Variants in MTF2 observed in about 807,000 individuals in gnomAD.
MTF2 encodes the protein metal-response element-binding transcription factor 2.
Under a neutral mutation model 79.5 loss-of-function variants are expected in MTF2, and 11 were observed. The observed-to-expected ratio is 0.14, with a 90% CI of 0.09 to 0.23. The LOEUF (loss-of-function observed/expected upper bound fraction) is 0.23. Ranked by LOEUF, MTF2 falls within the 10% of genes least tolerant of loss-of-function variation. MTF2 has a pLI of 1.00. For synonymous variants in MTF2, 208 were observed against 232.8 expected (o/e 0.89, Z 0.97); for missense variants, 486 against 711.2 (o/e 0.68, Z 3.60).
At chr1:93,115,310 AG>A (rs1656205881) in intron 5 of MTF2, among the ~76,000 whole-genome samples, 159 bp from the exon 6 acceptor site, 1 of 152,242 alleles carries the variant, frequency 6.6e-6, no homozygotes, top group African/African-American at 2.4e-5. Flanking sequence ...ATTTGAAAGA[AG>A]AAAAGAAAAA....
At chr1:93,110,155 C>A in intron 1 of MTF2, 75 bp from the exon 2 acceptor site, 2 of 1,350,684 alleles carry the variant, frequency 1.5e-6, no homozygotes, top group Non-Finnish European at 1.0e-6. Context: ...CTTTGATTAA[C>A]ATATAAAATA....
intron 9 of MTF2, among the ~76,000 whole-genome samples, chr1:93,126,060 T>C (rs929361007): frequency 6.6e-6 from 1 of 152,080 alleles, no homozygotes; most frequent in African/African-American, 2.4e-5. Context: ...TTATTCCTCC[T>C]TTAAAATTGA....
chr1:93,130,321 T>G (rs908641189), intron 11 of MTF2, among the ~76,000 whole-genome samples: 2 of 152,206 alleles, frequency 1.3e-5, no homozygotes, highest in African/African-American at 4.8e-5. Flanking sequence ...CTCACACCTG[T>G]AATCCTAGCA....
chr1:93,105,054 G>A (rs1030656572), intron 1 of MTF2, among the ~76,000 whole-genome samples: 1 of 147,998 alleles, frequency 6.8e-6, no homozygotes, highest in Non-Finnish European at 1.5e-5. Flanking sequence ...TGAGGCAGGA[G>A]AATGGCGTGA....
Position 93,081,609 on chromosome 1 carries a change from A to G in MTF2, c.5+2078A>G, listed in dbSNP as rs184180070. 9.9e-5 allele frequency among the ~76,000 whole-genome samples: 15 copies of G among 152,272 alleles called. 1 individual carries two copies. The East Asian group carries it at 2.7e-3, about 27-fold the overall frequency. ...TTTGTTTATTGCTGTGAAATCCAGT[A>G]TAACCATCCTAAATTGGAATGTAAA... On this transcript the variant is annotated intron_variant, in intron 1 of 14. Coordinates refer to ENST00000370298, the MANE Select transcript of MTF2 (RefSeq NM_007358.4).
chr1:93,114,913 C>A (rs1656184919), intron 4 of MTF2, 75 bp from the exon 5 acceptor site: 1 of 1,270,612 alleles, frequency 7.9e-7, no homozygotes, highest in African/African-American at 1.5e-5. Context: ...GGAAATAATG[C>A]TAAAATGCAT....
chr1:93,135,474 T>C (rs1571258135), intron 14 of MTF2, among the ~76,000 whole-genome samples: 1 of 152,224 alleles, frequency 6.6e-6, no homozygotes, highest in East Asian at 1.9e-4. Flanking sequence ...AATAATCGAC[T>C]TTTTTGGGGC....
chr1:93,098,991 T>G (rs1241538874), intron 1 of MTF2, among the ~76,000 whole-genome samples: 1 of 152,170 alleles, frequency 6.6e-6, no homozygotes, highest in Non-Finnish European at 1.5e-5. Context: ...GAGAGGGGGA[T>G]GTTTGTCTAT....
intron 9 of MTF2, chr1:93,121,132 T>C: frequency 1.0e-6 from 1 of 984,396 alleles, no homozygotes; most frequent in Non-Finnish European, 1.2e-6. Context: ...GAAAAATGAG[T>C]TGTAGAGTGA....
intron 1 of MTF2, among the ~76,000 whole-genome samples, chr1:93,086,284 G>A (rs1654832154): frequency 6.6e-6 from 1 of 151,970 alleles, no homozygotes; most frequent in South Asian, 2.1e-4. Flanking sequence ...CGGGCGGATC[G>A]CTTGAGGCCA....
intron 1 of MTF2, among the ~76,000 whole-genome samples, chr1:93,098,801 A>T (rs2101037713): frequency 6.6e-6 from 1 of 152,272 alleles, no homozygotes; most frequent in Non-Finnish European, 1.5e-5. Flanking sequence ...AGTATTTATG[A>T]TACTTAATAC....
chr1:93,095,324 T>C (rs1655244946), intron 1 of MTF2, among the ~76,000 whole-genome samples: 1 of 152,158 alleles, frequency 6.6e-6, no homozygotes, highest in African/African-American at 2.4e-5. Context: ...AACTTCTACA[T>C]ATTTCTTCAT....
chr1:93,106,708 G>A (rs1185149485), intron 1 of MTF2, among the ~76,000 whole-genome samples: 1 of 152,036 alleles, frequency 6.6e-6, no homozygotes, highest in Non-Finnish European at 1.5e-5. Flanking sequence ...TAGTAGAGAC[G>A]GGTTTTTTCT....
At chr1:93,086,496 CAAA>C (rs10648696) in intron 1 of MTF2, among the ~76,000 whole-genome samples, 1 of 97,868 alleles carries the variant, frequency 1.0e-5, no homozygotes, top group Non-Finnish European at 1.9e-5. Flanking sequence ...GAGACTGTCT[CAAA>C]AAAAAAAAAA....
At chr1:93,120,806 A>C (rs369976255) in intron 9 of MTF2, 134 bp downstream of exon 9, 4 of 1,439,128 alleles carry the variant, frequency 2.8e-6, no homozygotes, top group Non-Finnish European at 3.6e-6. Flanking sequence ...TCTGGGGACA[A>C]ATAAGTTTGG....
At chr1:93,092,381 A>G (rs1157045625) in intron 1 of MTF2, among the ~76,000 whole-genome samples, 1 of 152,172 alleles carries the variant, frequency 6.6e-6, no homozygotes, top group East Asian at 1.9e-4. Context: ...TTTAAAAAGT[A>G]AATTTGGAAT....
intron 1 of MTF2, among the ~76,000 whole-genome samples, chr1:93,085,041 GTAGT>G (rs1037248286): frequency 2.6e-5 from 4 of 152,098 alleles, no homozygotes; most frequent in Admixed American, 1.3e-4. Flanking sequence ...TTTTTTGATA[GTAGT>G]TAAAGAATTC....
rs1453054542 is a variant in MTF2 at position 93,136,835 on chromosome 1, C to G, written c.1590C>G (p.Leu530=). 6.2e-7 allele frequency: 1 copy of G among 1,614,156 alleles called. No homozygotes were observed. The highest frequency in any genetic ancestry group is 1.7e-5 in the Admixed American group (1 of 60,018). ...EGKEDYQFDE[L]NTEILNNLAD... is the part of the protein sequence containing the mutation. ...AAGAAGATTATCAGTTTGATGAACTCAACACAGAGATTCTGAATAACTTAG... is the reference window on the plus strand; with the variant it reads ...AAGAAGATTATCAGTTTGATGAACTGAACACAGAGATTCTGAATAACTTAG... Residue 530 remains leucine (L), a synonymous_variant, in exon 15 of 15, where the codon CTC becomes CTG. Coordinates refer to ENST00000370298, the MANE Select transcript of MTF2 (RefSeq NM_007358.4).
intron 9 of MTF2, among the ~76,000 whole-genome samples, chr1:93,125,663 A>G (rs1041931818): frequency 6.6e-6 from 1 of 151,968 alleles, no homozygotes; most frequent in African/African-American, 2.4e-5. Context: ...GGGGATACTC[A>G]ATTTGATAGC....
Sources: gnomAD v4.1 joint callset for allele counts (sites outside exome capture counted in the v4.1 genomes callset) on GRCh38, gnomAD v4.1.1 for gene constraint, MANE v1.5 for transcripts, NCBI Gene and HGNC (gene_info 2026-07-23, HGNC 2026-07-21) for gene names.